Variants in FMN2 observed in about 807,000 individuals in gnomAD.
FMN2 encodes the protein formin-2.
Under a neutral mutation model 142.3 loss-of-function variants are expected in FMN2, and 51 were observed. The ratio of observed to expected loss-of-function variants is 0.36; its 90% CI spans 0.29 to 0.45. The LOEUF (loss-of-function observed/expected upper bound fraction) is 0.45. FMN2 is among the 20% of genes least tolerant of loss of function. FMN2 has a pLI of 1.00. For synonymous variants in FMN2, 882 were observed against 869.8 expected (o/e 1.01, Z -0.25); for missense variants, 1,936 against 2,122.8 (o/e 0.91, Z 1.73).
At chr1:240,123,481 C>G in intron 2 of FMN2, 136 bp downstream of exon 2, 1 of 561,502 alleles carries the variant, frequency 1.8e-6, no homozygotes, top group Non-Finnish European at 2.7e-6. Context: ...AGCTGCTCAA[C>G]AGCTCGGTAT....
At chr1:240,252,889 G>A (rs1201776182) in intron 6 of FMN2, among the ~76,000 whole-genome samples, 1 of 148,334 alleles carries the variant, frequency 6.7e-6, no homozygotes, top group Non-Finnish European at 1.5e-5. Flanking sequence ...TCATCTTCTG[G>A]GACACTGAAA....
chr1:240,423,074 T>G (rs1674828324), intron 15 of FMN2, among the ~76,000 whole-genome samples: 1 of 152,230 alleles, frequency 6.6e-6, no homozygotes, highest in African/African-American at 2.4e-5. Flanking sequence ...CTTACCATTC[T>G]GAATTCCTCT....
intron 2 of FMN2, chr1:240,144,578 C>G: frequency 1.5e-6 from 2 of 1,379,158 alleles, no homozygotes; most frequent in African/African-American, 1.4e-5. Context: ...CAGTGCCAAT[C>G]TCAGAGCTTT....
At chr1:240,223,534 G>A (rs2103427420) in intron 6 of FMN2, among the ~76,000 whole-genome samples, 1 of 152,264 alleles carries the variant, frequency 6.6e-6, no homozygotes, top group East Asian at 1.9e-4. Flanking sequence ...TTTTTCTACT[G>A]TTTGGAACCG....
In FMN2 at chr1:240,092,068, C is replaced by A; in HGVS notation, c.-42C>A. 6.6e-7 allele frequency: 1 copy of A among 1,523,682 alleles called. No individual in the cohort carries two copies. Among genetic ancestry groups the A allele is most frequent in the Non-Finnish European group, 8.8e-7 (1 of 1,137,656 alleles). 94.4% of individuals were successfully genotyped at this position (1,523,682 alleles called of 1,614,324 possible). A position where few individuals can be genotyped will look rare whatever the true frequency, so the allele number is the denominator to read the frequency against. ...TGGGGCCGAGGAGGGCCGGGATGGC[C>A]TGAGTGCCCGCGGCGCGGCGGCGCA... On this transcript the variant is annotated 5_prime_UTR_variant, in exon 1 of 18. The change creates a new upstream start codon in the 5' untranslated region. Coordinates refer to ENST00000319653, the MANE Select transcript of FMN2 (RefSeq NM_020066.5).
Position 240,208,563 on chromosome 1 carries a change from A to T in FMN2, c.3751A>T (p.Ser1251Cys). ...CCCTCCACTCCTCCCACAAGTTGGG[A>T]GTAGCACTTTACCAACCCCACAGGT... ...SGPPLLPQVG[S>C]STLPTPQVCG... is the part of the protein sequence containing the mutation. The change falls in exon 5 of 18, where the codon AGT (serine) becomes TGT (cysteine). Residue 1251 changes from serine (S) to cysteine (C), a missense_variant. By Grantham distance (112) the Ser-to-Cys change is moderately radical. Coordinates refer to ENST00000319653, the MANE Select transcript of FMN2 (RefSeq NM_020066.5). The T allele has an allele frequency of 6.2e-7, 1 of 1,613,288 alleles. No individual in the cohort carries two copies. Among genetic ancestry groups the T allele is most frequent in the Non-Finnish European group, 8.5e-7 (1 of 1,179,872 alleles).
At chr1:240,392,395 G>A (rs1170542436) in intron 14 of FMN2, 116 bp from the exon 15 acceptor site, 8 of 659,734 alleles carry the variant, frequency 1.2e-5, no homozygotes, top group Non-Finnish European at 1.3e-5. Context: ...GCTTCTGGTT[G>A]TAGTACAATA....
intron 7 of FMN2, among the ~76,000 whole-genome samples, chr1:240,265,917 G>T (rs12072009): frequency 0.058 from 7,912 of 135,746 alleles, 289 homozygotes; most frequent in South Asian, 0.1. Context: ...AAAGGGGTTT[G>T]TTTTTTTTTT....
chr1:240,399,129 G>A (rs1673887153), intron 15 of FMN2, among the ~76,000 whole-genome samples: 1 of 152,048 alleles, frequency 6.6e-6, no homozygotes, highest in South Asian at 2.1e-4. Context: ...GTCCTTATCT[G>A]TGAGAAAAAG....
intron 1 of FMN2, among the ~76,000 whole-genome samples, chr1:240,119,220 T>C (rs1337769298): frequency 6.6e-6 from 1 of 151,466 alleles, no homozygotes; most frequent in African/African-American, 2.4e-5. Flanking sequence ...TCCCGGCTAC[T>C]CAGGAGGCTG....
chr1:240,093,861 T>C, intron 1 of FMN2, 137 bp downstream of exon 1: 5 of 552,974 alleles, frequency 9.0e-6, no homozygotes, highest in Non-Finnish European at 1.4e-5. Context: ...GGAATCCTTT[T>C]CCGCCCAGCG....
intron 6 of FMN2, among the ~76,000 whole-genome samples, chr1:240,228,153 A>T (rs1162045725): frequency 1.3e-5 from 2 of 151,724 alleles, no homozygotes; most frequent in East Asian, 3.9e-4. Context: ...AAAATACAAA[A>T]TTAGCTAGGT....
At chr1:240,111,192 A>T (rs542496651) in intron 1 of FMN2, among the ~76,000 whole-genome samples, 79 of 152,294 alleles carry the variant, frequency 5.2e-4, no homozygotes, top group African/African-American at 1.9e-3. Flanking sequence ...AGATGAGGAA[A>T]CAGGATTACC....
chr1:240,221,192 CT>C (rs1162439299), intron 6 of FMN2, among the ~76,000 whole-genome samples: 1 of 152,116 alleles, frequency 6.6e-6, no homozygotes, highest in Non-Finnish European at 1.5e-5. Flanking sequence ...GTGCATGCGT[CT>C]TTATAGTAGA....
At chr1:240,290,077 G>A (rs983581558) in intron 7 of FMN2, among the ~76,000 whole-genome samples, 4 of 152,164 alleles carry the variant, frequency 2.6e-5, no homozygotes, top group Non-Finnish European at 5.9e-5. Flanking sequence ...AGTCAAGAGT[G>A]GGACTGTTTC....
chr1:240,172,841 G>C (rs1664762795), intron 2 of FMN2, among the ~76,000 whole-genome samples: 1 of 152,008 alleles, frequency 6.6e-6, no homozygotes, highest in Non-Finnish European at 1.5e-5. Context: ...AGCAGCTACA[G>C]CCTCTGCCTA....
intron 16 of FMN2, among the ~76,000 whole-genome samples, chr1:240,468,240 A>ACACATATATACATATG (rs1174095294): frequency 3.6e-5 from 3 of 82,326 alleles, no homozygotes; most frequent in African/African-American, 2.6e-4. Flanking sequence ...GTGTATTCAC[A>ACACATATATACATATG]CACACACATA....
At chr1:240,428,905 T>A (rs771796970) in intron 15 of FMN2, among the ~76,000 whole-genome samples, 11 of 152,262 alleles carry the variant, frequency 7.2e-5, no homozygotes, top group Non-Finnish European at 1.3e-4. Context: ...TTGCCTTGAT[T>A]GTCTTCAGTA....
intron 14 of FMN2, among the ~76,000 whole-genome samples, chr1:240,375,100 T>C (rs893971262): frequency 6.6e-6 from 1 of 152,122 alleles, no homozygotes; most frequent in African/African-American, 2.4e-5. Context: ...AGCCTTTTGG[T>C]GGAGAAGTGA....
Sources: allele counts gnomAD v4.1 joint callset (sites outside exome capture counted in the v4.1 genomes callset), GRCh38; gene constraint gnomAD v4.1.1; transcripts MANE v1.5; gene names NCBI Gene and HGNC (gene_info 2026-07-23, HGNC 2026-07-21).